The following GPC6 variants were observed in gnomAD, a reference collection of about 807,000 sequenced individuals.
GPC6 encodes glypican 6, also known as glypican-6.
Under a neutral mutation model 55.2 loss-of-function variants are expected in GPC6, and 14 were observed. The ratio of observed to expected loss-of-function variants is 0.25; its 90% CI spans 0.17 to 0.40. The LOEUF (loss-of-function observed/expected upper bound fraction) is 0.40, where lower values mean the gene tolerates loss of function less well. GPC6 is among the 10% of genes least tolerant of loss of function. The pLI is 1.00. For missense variants in GPC6, 641 were observed against 708.5 expected (o/e 0.90, Z 1.08); for synonymous variants, 278 against 259.6 (o/e 1.07, Z -0.68).
chr13:94,192,103 A>G (rs1889414927), intron 4 of GPC6, among the ~76,000 whole-genome samples: 1 of 152,226 alleles, frequency 6.6e-6, no homozygotes, highest in African/African-American at 2.4e-5. Flanking sequence ...CAAATAATTT[A>G]TCTTCCATAG....
At chr13:93,443,129 A>T (rs2139291356) in intron 1 of GPC6, among the ~76,000 whole-genome samples, 1 of 152,310 alleles carries the variant, frequency 6.6e-6, no homozygotes, top group Non-Finnish European at 1.5e-5. Flanking sequence ...TCCTTAGATA[A>T]CTTGCCCATT....
intron 2 of GPC6, among the ~76,000 whole-genome samples, chr13:93,776,950 G>T (rs1476894099): frequency 6.6e-6 from 1 of 152,130 alleles, no homozygotes; most frequent in Non-Finnish European, 1.5e-5. Context: ...TTATGATTAA[G>T]CACCCTTGCC....
At chr13:94,192,946 C>T (rs1329343014) in intron 4 of GPC6, among the ~76,000 whole-genome samples, 1 of 152,000 alleles carries the variant, frequency 6.6e-6, no homozygotes, top group Non-Finnish European at 1.5e-5. Flanking sequence ...TGTGAGGTGA[C>T]CCAGGGAATT....
chr13:93,408,809 T>C (rs1876390068), intron 1 of GPC6, among the ~76,000 whole-genome samples: 1 of 152,078 alleles, frequency 6.6e-6, no homozygotes, highest in Non-Finnish European at 1.5e-5. Flanking sequence ...TGATTAGTGA[T>C]GTCTGCCTAG....
At chr13:93,276,193 T>C (rs1042891734) in intron 1 of GPC6, among the ~76,000 whole-genome samples, 2 of 151,964 alleles carry the variant, frequency 1.3e-5, no homozygotes, top group African/African-American at 2.4e-5. Flanking sequence ...AAGTATTTTA[T>C]GTTCAGTGAC....
At chr13:94,065,138 C>G (rs1884472309) in intron 4 of GPC6, among the ~76,000 whole-genome samples, 1 of 152,068 alleles carries the variant, frequency 6.6e-6, no homozygotes, top group Non-Finnish European at 1.5e-5. Context: ...TAAATCCTCA[C>G]ACGGCTTTGT....
chr13:94,098,978 G>T (rs1432178788), intron 4 of GPC6, among the ~76,000 whole-genome samples: 1 of 152,094 alleles, frequency 6.6e-6, no homozygotes, highest in Non-Finnish European at 1.5e-5. Flanking sequence ...GAAGCCGTTA[G>T]CAGTCTACAT....
intron 1 of GPC6, among the ~76,000 whole-genome samples, chr13:93,317,884 T>C (rs1272670546): frequency 6.6e-6 from 1 of 152,186 alleles, no homozygotes; most frequent in Non-Finnish European, 1.5e-5. Flanking sequence ...TTTCAGCACT[T>C]TGGAAGAGAT....
chr13:93,880,984 G>A (rs1874932977), intron 3 of GPC6, among the ~76,000 whole-genome samples: 1 of 151,712 alleles, frequency 6.6e-6, no homozygotes, highest in Non-Finnish European at 1.5e-5. Context: ...AAAATCCACG[G>A]CTCTCTAACC....
chr13:93,344,996 ATTT>A (rs1240666134), intron 1 of GPC6, among the ~76,000 whole-genome samples: 1 of 152,148 alleles, frequency 6.6e-6, no homozygotes, highest in African/African-American at 2.4e-5. Context: ...TTTTATTCCT[ATTT>A]TTATATGCTT....
At chr13:93,663,567 C>T (rs1881012418) in intron 2 of GPC6, among the ~76,000 whole-genome samples, 1 of 152,126 alleles carries the variant, frequency 6.6e-6, no homozygotes, top group South Asian at 2.1e-4. Flanking sequence ...TAAAGTTAAT[C>T]TAATCATATT....
At chr13:94,212,736 CAT>C (rs1383774644) in intron 4 of GPC6, among the ~76,000 whole-genome samples, 14 of 152,188 alleles carry the variant, frequency 9.2e-5, no homozygotes, top group Admixed American at 8.5e-4. Flanking sequence ...TTTGAGGAAA[CAT>C]GTGCTGATTG....
Position 94,393,351 on chromosome 13 carries a change from G to C in GPC6, c.1290-5115G>C, listed in dbSNP as rs1019827280. ...ATAAATGAGGACTATAATTAACCTT[G>C]TTTCAGACGAGATGAAGTTTTGCTA... On this transcript the variant is annotated intron_variant, in intron 7 of 8. Coordinates refer to ENST00000377047, the MANE Select transcript of GPC6 (RefSeq NM_005708.5). Among the ~76,000 whole-genome samples, 4 of 152,218 alleles carry C rather than the reference G, an allele frequency of 2.6e-5. No individual in the cohort carries two copies. In the East Asian group the frequency reaches 7.7e-4, roughly 29 times the overall value.
rs948309555 is a variant in GPC6, at chr13:94,403,271, C to G, written c.*54C>G. On this transcript the variant is annotated 3_prime_UTR_variant, in exon 9 of 9. Transcript: ENST00000377047. ...ATTTTAGCTATCTGAATGGCCAACT[C>G]ACTTCTTTTCTTACACTCTTGGACA... The G allele has an allele frequency of 2.4e-5, 29 of 1,229,758 alleles. No individual in the cohort carries two copies. The highest frequency in any genetic ancestry group is 3.2e-5 in the Non-Finnish European group (27 of 841,226). The allele number at this position is 1,229,758 out of a possible 1,614,324, so 76.2% of individuals were successfully genotyped here.
intron 4 of GPC6, among the ~76,000 whole-genome samples, chr13:94,267,370 T>C (rs1002479532): frequency 2.0e-5 from 3 of 152,184 alleles, no homozygotes; most frequent in African/African-American, 7.2e-5. Context: ...AGAACAAATA[T>C]ATTTTTTCTG....
intron 3 of GPC6, among the ~76,000 whole-genome samples, chr13:94,010,667 A>T (rs1034475295): frequency 6.6e-6 from 1 of 152,192 alleles, no homozygotes; most frequent in Non-Finnish European, 1.5e-5. Flanking sequence ...AGTTCTTGGG[A>T]ATATTCGTAA....
At chr13:94,243,058 A>G (rs1373161923) in intron 4 of GPC6, among the ~76,000 whole-genome samples, 1 of 152,106 alleles carries the variant, frequency 6.6e-6, no homozygotes, top group Non-Finnish European at 1.5e-5. Flanking sequence ...TATACAGCTG[A>G]CAGTGCCATG....
At position 93,238,046 on chromosome 13, in the gene GPC6, C is replaced by T. The variant is rs550639709; in HGVS notation, c.160+10430C>T. Among the ~76,000 whole-genome samples the T allele has an allele frequency of 1.3e-3, 200 of 152,136 alleles. 2 individuals carry two copies. Among genetic ancestry groups the T allele is most frequent in the African/African-American group, 4.6e-3 (192 of 41,550 alleles). On this transcript the variant is annotated intron_variant, in intron 1 of 8. Coordinates refer to ENST00000377047, the MANE Select transcript of GPC6 (RefSeq NM_005708.5). Reference sequence around the variant, plus strand: ...TTTGCTTAGGATTGCTTTGGCTACTCGGGCTCTTTGTGGTTCCATATGAAT... The same window carrying T: ...TTTGCTTAGGATTGCTTTGGCTACTTGGGCTCTTTGTGGTTCCATATGAAT...
intron 3 of GPC6, among the ~76,000 whole-genome samples, chr13:93,944,713 GT>G (rs960760720): frequency 6.6e-6 from 1 of 152,080 alleles, no homozygotes; most frequent in African/African-American, 2.4e-5. Flanking sequence ...ATATCCTGCT[GT>G]TTCTCATATT....
Sources: allele counts gnomAD v4.1 joint callset (sites outside exome capture counted in the v4.1 genomes callset), GRCh38; gene constraint gnomAD v4.1.1; transcripts MANE v1.5; gene names NCBI Gene and HGNC (gene_info 2026-07-23, HGNC 2026-07-21).